Variants in FSTL4 observed in about 807,000 individuals in gnomAD.
FSTL4 encodes follistatin like 4.
Under a neutral mutation model 78.2 loss-of-function variants are expected in FSTL4, and 28 were observed. The ratio of observed to expected loss-of-function variants is 0.36; its 90% CI spans 0.27 to 0.49. FSTL4 has a LOEUF of 0.49. Ranked by LOEUF, FSTL4 falls within the 20% of genes least tolerant of loss-of-function variation. FSTL4 has a pLI of 0.98. For synonymous variants in FSTL4, 422 were observed against 440.5 expected, an observed-to-expected ratio of 0.96 and a Z score of 0.53; for missense variants, 922 against 1,084.9, an observed-to-expected ratio of 0.85 and a Z score of 2.11.
chr5:133,308,107 T>C (rs1198107232), intron 6 of FSTL4, among the ~76,000 whole-genome samples: 1 of 152,154 alleles, frequency 6.6e-6, no homozygotes, highest in Non-Finnish European at 1.5e-5. Context: ...ATTCCTCCCT[T>C]GGCCACTCCA....
chr5:133,663,177 C>G, the FSTL4 span, among the ~76,000 whole-genome samples: 5 of 152,280 alleles, frequency 3.3e-5, no homozygotes, highest in African/African-American at 1.2e-4. Context: ...CTTGAATCTA[C>G]ACATGTAGTA....
chr5:133,749,961 A>G, the FSTL4 span, among the ~76,000 whole-genome samples: 3 of 152,174 alleles, frequency 2.0e-5, no homozygotes, highest in East Asian at 1.9e-4. Flanking sequence ...CTTAAGTTAA[A>G]TGTGTTCTGC....
the FSTL4 span, among the ~76,000 whole-genome samples, chr5:133,774,445 C>A: frequency 0.045 from 6,807 of 152,192 alleles, 195 homozygotes; most frequent in Non-Finnish European, 0.056. Context: ...CTAGAATACA[C>A]AGGATAGCCC....
At chr5:133,582,092 G>C (rs527241328) in intron 2 of FSTL4, among the ~76,000 whole-genome samples, 1 of 152,318 alleles carries the variant, frequency 6.6e-6, no homozygotes, top group South Asian at 2.1e-4. Flanking sequence ...CAAGTCAGTG[G>C]AGCCAGAGGA....
chr5:133,284,792 T>C (rs1378310509), intron 6 of FSTL4, among the ~76,000 whole-genome samples: 2 of 152,232 alleles, frequency 1.3e-5, no homozygotes, highest in East Asian at 1.9e-4. Flanking sequence ...TGTCAGATGC[T>C]GGAGGATATC....
chr5:133,525,539 C>A (rs567966521), intron 3 of FSTL4, among the ~76,000 whole-genome samples: 1 of 152,318 alleles, frequency 6.6e-6, no homozygotes, highest in African/African-American at 2.4e-5. Flanking sequence ...AAGCAGTCTC[C>A]TCACGGTCTC....
At chr5:133,632,887 C>A in the FSTL4 span, among the ~76,000 whole-genome samples, 1,567 of 152,234 alleles carry the variant, frequency 0.01, 27 homozygotes, top group African/African-American at 0.036. Flanking sequence ...TGGGCTTTCA[C>A]TATGTTGCCC....
intron 7 of FSTL4, among the ~76,000 whole-genome samples, chr5:133,235,337 A>G (rs533199381): frequency 6.6e-6 from 1 of 152,018 alleles, no homozygotes; most frequent in African/African-American, 2.4e-5. Flanking sequence ...AAACAAACAA[A>G]CAAACAAAAA....
chr5:133,615,730 TA>T (rs1474357608), upstream of FSTL4, among the ~76,000 whole-genome samples: 1 of 152,228 alleles, frequency 6.6e-6, no homozygotes, highest in Admixed American at 6.5e-5. Context: ...TTCAAGATCC[TA>T]GACTTAAGAT....
At chr5:133,349,094 C>T (rs993671610) in intron 4 of FSTL4, among the ~76,000 whole-genome samples, 1 of 152,090 alleles carries the variant, frequency 6.6e-6, no homozygotes, top group African/African-American at 2.4e-5. Flanking sequence ...CCCGTGTCCT[C>T]GTGAAAATAA....
chr5:133,412,080 C>T (rs764811965), intron 3 of FSTL4, among the ~76,000 whole-genome samples: 3 of 152,064 alleles, frequency 2.0e-5, no homozygotes, highest in Admixed American at 6.5e-5. Flanking sequence ...ATTGCTTATT[C>T]GTGGGTAGGA....
chr5:133,571,530 AGGAG>A (rs1388381280), intron 2 of FSTL4, among the ~76,000 whole-genome samples: 2 of 152,220 alleles, frequency 1.3e-5, no homozygotes, highest in East Asian at 3.8e-4. Flanking sequence ...TTAGGAAAAT[AGGAG>A]AAAAGATGCT....
At chr5:133,277,123 C>T (rs1156366691) in intron 6 of FSTL4, among the ~76,000 whole-genome samples, 1 of 152,088 alleles carries the variant, frequency 6.6e-6, no homozygotes, top group Non-Finnish European at 1.5e-5. Context: ...ATCAGCCTGG[C>T]CAACATGGTG....
chr5:133,577,593 G>A (rs985022096), intron 2 of FSTL4, among the ~76,000 whole-genome samples: 3 of 152,204 alleles, frequency 2.0e-5, no homozygotes, highest in Admixed American at 6.5e-5. Context: ...ATCAGCAGAG[G>A]CTGAGCTTGC....
chr5:133,303,746 A>G (rs72803133), intron 6 of FSTL4, among the ~76,000 whole-genome samples: 3,362 of 152,316 alleles, frequency 0.022, 66 homozygotes, highest in Non-Finnish European at 0.027. Context: ...AAGCTAGAGA[A>G]CTGGTGATTG....
the FSTL4 span, among the ~76,000 whole-genome samples, chr5:133,772,732 C>A: frequency 6.6e-6 from 1 of 152,122 alleles, no homozygotes; most frequent in Non-Finnish European, 1.5e-5. Context: ...AAACCCACTT[C>A]CAAGATAATG....
intron 4 of FSTL4, among the ~76,000 whole-genome samples, chr5:133,330,420 A>C (rs1349753373): frequency 3.9e-5 from 6 of 152,170 alleles, no homozygotes; most frequent in African/African-American, 1.4e-4. Context: ...ACAGGGCAAG[A>C]GCAGGGGCAA....
intron 3 of FSTL4, among the ~76,000 whole-genome samples, chr5:133,495,989 C>G (rs541187334): frequency 2.0e-3 from 299 of 152,212 alleles, no homozygotes; most frequent in African/African-American, 6.5e-3. Flanking sequence ...CTTTGGGGCT[C>G]CTGCTGGGTT....
the FSTL4 span, among the ~76,000 whole-genome samples, chr5:133,650,848 C>T: frequency 1.3e-5 from 2 of 152,132 alleles, no homozygotes; most frequent in African/African-American, 2.4e-5. Context: ...ACAAAACTAA[C>T]GTCTTGACTA....
Sources: allele counts gnomAD v4.1 joint callset (sites outside exome capture counted in the v4.1 genomes callset), GRCh38; gene constraint gnomAD v4.1.1; transcripts MANE v1.5; gene names NCBI Gene and HGNC (gene_info 2026-07-23, HGNC 2026-07-21).